The following CNTN3 variants were observed in gnomAD, a reference collection of about 807,000 sequenced individuals.
CNTN3 encodes the protein contactin 3, also known as contactin-3.
Under a neutral mutation model 119.1 loss-of-function variants are expected in CNTN3, and 60 were observed. That is an observed-to-expected ratio of 0.50 (90% confidence interval 0.41 to 0.62). The LOEUF (loss-of-function observed/expected upper bound fraction) is 0.62, where lower values mean the gene tolerates loss of function less well. CNTN3 is among the 20% of genes least tolerant of loss of function. The pLI, the probability that CNTN3 is intolerant of heterozygous loss-of-function variation, is 0.00. For synonymous variants in CNTN3, 450 were observed against 438.7 expected, an observed-to-expected ratio of 1.03 and a Z score of -0.32; for missense variants, 1,101 against 1,242.4, an observed-to-expected ratio of 0.89 and a Z score of 1.71.
intron 1 of CNTN3, among the ~76,000 whole-genome samples, chr3:74,522,363 C>A (rs2107123834): frequency 6.6e-6 from 1 of 152,004 alleles, no homozygotes. Flanking sequence ...CAATTGAGAA[C>A]TGCTGTTCTA....
At chr3:74,431,870 G>A (rs375945640) in intron 4 of CNTN3, among the ~76,000 whole-genome samples, 17 of 152,152 alleles carry the variant, frequency 1.1e-4, no homozygotes, top group Non-Finnish European at 1.3e-4. Context: ...CATGAAGAGC[G>A]AATGAAATCA....
chr3:74,334,121 A>T (rs1233552445), intron 13 of CNTN3, among the ~76,000 whole-genome samples: 1 of 152,214 alleles, frequency 6.6e-6, no homozygotes, highest in Non-Finnish European at 1.5e-5. Flanking sequence ...TCTAATGTGG[A>T]ATCATCACAA....
intron 4 of CNTN3, among the ~76,000 whole-genome samples, chr3:74,460,891 A>C (rs1050561050): frequency 1.4e-5 from 2 of 144,518 alleles, no homozygotes; most frequent in Non-Finnish European, 3.0e-5. Context: ...TGAAGAAGAG[A>C]AGTGAATATG....
chr3:74,490,906 T>C (rs969253383), intron 3 of CNTN3, among the ~76,000 whole-genome samples: 1 of 152,192 alleles, frequency 6.6e-6, no homozygotes, highest in Non-Finnish European at 1.5e-5. Flanking sequence ...CAAAGCAATA[T>C]AATTATTTTT....
intron 13 of CNTN3, among the ~76,000 whole-genome samples, chr3:74,314,663 G>C (rs1413904348): frequency 6.6e-6 from 1 of 152,158 alleles, no homozygotes; most frequent in Non-Finnish European, 1.5e-5. Context: ...AATACAGATA[G>C]AACTTCAAGG....
intron 11 of CNTN3, among the ~76,000 whole-genome samples, chr3:74,341,931 G>A (rs1347440682): frequency 6.6e-6 from 1 of 152,040 alleles, no homozygotes; most frequent in Non-Finnish European, 1.5e-5. Context: ...CAAACACACT[G>A]CAACTCTACA....
At position 74,312,112 on chromosome 3, in the gene CNTN3, G is replaced by A. The variant is rs539145275; in HGVS notation, c.1669-9305C>T. ...CCTCATGTTTCTGGTAGTTGTGGGG[G>A]GAAAACAGACCATTTTGAGATACAT... On this transcript the variant is annotated intron_variant, in intron 13 of 22. Transcript: ENST00000263665. 1.4e-4 allele frequency among the ~76,000 whole-genome samples: 22 copies of A among 152,132 alleles called. No individual in the cohort carries two copies. The East Asian group carries it at 3.9e-3, about 27-fold the overall frequency.
intron 1 of CNTN3, among the ~76,000 whole-genome samples, chr3:74,525,322 A>G (rs1363406408): frequency 6.6e-6 from 1 of 151,904 alleles, no homozygotes; most frequent in Non-Finnish European, 1.5e-5. Flanking sequence ...ATAAAAAGAG[A>G]TGTCATTCAG....
chr3:74,450,934 T>C (rs938410041), intron 4 of CNTN3, among the ~76,000 whole-genome samples: 7 of 152,084 alleles, frequency 4.6e-5, no homozygotes, highest in African/African-American at 1.4e-4. Context: ...TTGGGTTGGT[T>C]CCAAGTCTTT....
intron 13 of CNTN3, among the ~76,000 whole-genome samples, chr3:74,305,943 A>T (rs1405670473): frequency 6.6e-6 from 1 of 152,020 alleles, no homozygotes; most frequent in East Asian, 1.9e-4. Flanking sequence ...GAAGTCAAGT[A>T]ACATGACTGT....
chr3:74,376,811 A>G (rs1345301398), intron 5 of CNTN3, among the ~76,000 whole-genome samples: 1 of 152,070 alleles, frequency 6.6e-6, no homozygotes, highest in Non-Finnish European at 1.5e-5. Context: ...TATTGGCAAT[A>G]GGAAATTCAC....
At chr3:74,386,948 C>T (rs879622626) in intron 5 of CNTN3, among the ~76,000 whole-genome samples, 1 of 152,156 alleles carries the variant, frequency 6.6e-6, no homozygotes, top group Non-Finnish European at 1.5e-5. Flanking sequence ...ACATATACTG[C>T]AGTGAACCAG....
intron 11 of CNTN3, among the ~76,000 whole-genome samples, chr3:74,346,460 C>T (rs748429285): frequency 2.7e-4 from 41 of 151,938 alleles, no homozygotes; most frequent in Non-Finnish European, 4.7e-4. Flanking sequence ...AAATGCTACT[C>T]GAGCAATGAA....
chr3:74,505,823 C>T (rs2107091887), intron 2 of CNTN3, among the ~76,000 whole-genome samples: 1 of 152,164 alleles, frequency 6.6e-6, no homozygotes, highest in African/African-American at 2.4e-5. Flanking sequence ...AGAAAAAGTG[C>T]TAGAGTATAG....
At chr3:74,457,177 A>T (rs968120601) in intron 4 of CNTN3, among the ~76,000 whole-genome samples, 1 of 152,104 alleles carries the variant, frequency 6.6e-6, no homozygotes, top group Non-Finnish European at 1.5e-5. Context: ...AAGATTATAA[A>T]ATTGTCTTTG....
intron 1 of CNTN3, among the ~76,000 whole-genome samples, chr3:74,602,295 C>CAAAAAAAAAAAAAA (rs1167052275): frequency 5.1e-5 from 1 of 19,688 alleles, no homozygotes; most frequent in African/African-American, 1.2e-4. Flanking sequence ...GACCTGGTCT[C>CAAAAAAAAAAAAAA]AAAAAAAAAA....
chr3:74,561,428 C>T (rs1216921944), intron 1 of CNTN3, among the ~76,000 whole-genome samples: 1 of 152,070 alleles, frequency 6.6e-6, no homozygotes, highest in South Asian at 2.1e-4. Context: ...ACTTCTTCAC[C>T]ACATCCAGAT....
chr3:74,264,724 T>A (rs138398369), intron 22 of CNTN3, among the ~76,000 whole-genome samples: 142 of 152,188 alleles, frequency 9.3e-4, no homozygotes, highest in African/African-American at 9.4e-4. Flanking sequence ...GAGAATTAAG[T>A]TTCTGTTGTT....
intron 5 of CNTN3, among the ~76,000 whole-genome samples, chr3:74,419,680 C>T (rs549568659): frequency 6.6e-6 from 1 of 152,278 alleles, no homozygotes; most frequent in South Asian, 2.1e-4. Flanking sequence ...AAGTCACTTG[C>T]TGATTAAACA....
Sources: allele counts gnomAD v4.1 joint callset (sites outside exome capture counted in the v4.1 genomes callset), GRCh38; gene constraint gnomAD v4.1.1; transcripts MANE v1.5; gene names NCBI Gene and HGNC (gene_info 2026-07-23, HGNC 2026-07-21).